The following ABTB2 variants were observed in gnomAD, a reference collection of about 807,000 sequenced individuals.
ABTB2 encodes ankyrin repeat and BTB domain containing 2.
Under a neutral mutation model 104.1 loss-of-function variants are expected in ABTB2, and 56 were observed. That is an observed-to-expected ratio of 0.54 (90% CI 0.43 to 0.67). ABTB2 has a LOEUF of 0.67. ABTB2 is among the 30% of genes least tolerant of loss of function. The pLI is 0.00. For missense variants in ABTB2, 1,279 were observed against 1,407.7 expected, an observed-to-expected ratio of 0.91 and a Z score of 1.46; for synonymous variants, 606 against 608.2, an observed-to-expected ratio of 1.00 and a Z score of 0.05.
chr11:34,265,134 G>GA (rs1854232311), intron 1 of ABTB2, among the ~76,000 whole-genome samples: 1 of 152,198 alleles, frequency 6.6e-6, no homozygotes, highest in Non-Finnish European at 1.5e-5. Flanking sequence ...GGGATACAAG[G>GA]AAAAATAGAA....
chr11:34,338,824 T>C (rs1855227003), intron 1 of ABTB2, among the ~76,000 whole-genome samples: 1 of 152,202 alleles, frequency 6.6e-6, no homozygotes, highest in African/African-American at 2.4e-5. Flanking sequence ...ATTACTTTTA[T>C]ATAGAGACAG....
chr11:34,208,791 C>A (rs1853440075), intron 1 of ABTB2, among the ~76,000 whole-genome samples: 2 of 152,060 alleles, frequency 1.3e-5, no homozygotes, highest in African/African-American at 4.8e-5. Context: ...TTCTCATCCA[C>A]CTCCCATCAA....
chr11:34,253,420 G>A (rs112405083), intron 1 of ABTB2, among the ~76,000 whole-genome samples: 9 of 152,038 alleles, frequency 5.9e-5, no homozygotes, highest in African/African-American at 2.2e-4. Flanking sequence ...GCTCATGCCT[G>A]TAATCCCAGC....
chr11:34,347,977 C>G (rs569575861), intron 1 of ABTB2, among the ~76,000 whole-genome samples: 3 of 152,316 alleles, frequency 2.0e-5, no homozygotes, highest in Admixed American at 2.0e-4. Flanking sequence ...CCAATGGCCT[C>G]GTTTAACACA....
chr11:34,240,392 C>T (rs1263990598), intron 1 of ABTB2, among the ~76,000 whole-genome samples: 1 of 152,250 alleles, frequency 6.6e-6, no homozygotes, highest in Non-Finnish European at 1.5e-5. Context: ...TATGGCTTCA[C>T]TCACTGAGTG....
intron 1 of ABTB2, among the ~76,000 whole-genome samples, chr11:34,350,085 C>T (rs1172984980): frequency 6.6e-6 from 1 of 152,152 alleles, no homozygotes; most frequent in Non-Finnish European, 1.5e-5. Flanking sequence ...TGCTTGAAGG[C>T]CTAGGTCAGT....
In ABTB2 at chr11:34,314,374, T is replaced by C. The variant is rs556187622; in HGVS notation, c.883+42327A>G. On this transcript the variant is annotated intron_variant, in intron 1 of 16. Coordinates refer to ENST00000435224, the MANE Select transcript of ABTB2 (RefSeq NM_145804.3). Reference sequence around the variant, plus strand: ...CGATGAGGGCGGGACCAGGTCTGTTTTTCTTACTAGGGTATCTGTACTCCA... The same window carrying C: ...CGATGAGGGCGGGACCAGGTCTGTTCTTCTTACTAGGGTATCTGTACTCCA... Among the ~76,000 whole-genome samples the C allele has an allele frequency of 1.7e-4, 26 of 152,336 alleles. No individual in the cohort carries two copies. The South Asian group carries it at 5.0e-3, about 29-fold the overall frequency.
At chr11:34,293,363 GT>G in intron 1 of ABTB2, among the ~76,000 whole-genome samples, 1 of 152,246 alleles carries the variant, frequency 6.6e-6, no homozygotes, top group South Asian at 2.1e-4. Context: ...GTCCTGGCTG[GT>G]AGTACTTGCG....
Position 34,154,480 on chromosome 11 carries a change from C to G in ABTB2, c.2767-102G>C. ...CGAGTGCCGTGTGCCCTGCTGCCTC[C>G]ACCCTCAGGCCCCACTACCTTCTGA... On this transcript the variant is annotated intron_variant, in intron 15 of 16. Coordinates refer to ENST00000435224, the MANE Select transcript of ABTB2 (RefSeq NM_145804.3). This position sits in a 1 kb window ranked among gnomAD's most constrained non-coding sequence, Gnocchi z 4.9. 1 of 913,262 alleles carries G rather than the reference C, an allele frequency of 1.1e-6. No individual in the cohort carries two copies. The highest frequency in any genetic ancestry group is 1.7e-6 in the Non-Finnish European group (1 of 583,634). 56.6% of individuals were successfully genotyped at this position (913,262 alleles called of 1,614,324 possible).
At chr11:34,197,782 C>T (rs185267835) in intron 2 of ABTB2, among the ~76,000 whole-genome samples, 16 of 152,302 alleles carry the variant, frequency 1.1e-4, no homozygotes, top group Admixed American at 4.6e-4. Flanking sequence ...CTGTCTCCTC[C>T]AGAACTTAGG....
At chr11:34,191,066 G>C (rs1487692524) in intron 3 of ABTB2, among the ~76,000 whole-genome samples, 4 of 152,192 alleles carry the variant, frequency 2.6e-5, no homozygotes, top group African/African-American at 9.7e-5. Context: ...TAACACCTCT[G>C]GGATGACCCA....
chr11:34,249,401 G>T (rs762931265), intron 1 of ABTB2, among the ~76,000 whole-genome samples: 1 of 152,234 alleles, frequency 6.6e-6, no homozygotes, highest in Non-Finnish European at 1.5e-5. Context: ...GCTGGCTGCA[G>T]GTTCTACAAA....
chr11:34,209,071 C>T (rs184523153), intron 1 of ABTB2, among the ~76,000 whole-genome samples: 238 of 152,288 alleles, frequency 1.6e-3, no homozygotes, highest in African/African-American at 5.2e-3. Context: ...CCTGGCTGGC[C>T]GTGGTGGCTC....
chr11:34,197,529 A>G lies in ABTB2; in HGVS notation c.1040T>C (p.Val347Ala). The G allele has an allele frequency of 6.3e-7, 1 of 1,576,088 alleles. No individual in the cohort carries two copies. Among genetic ancestry groups the G allele is most frequent in the Non-Finnish European group, 8.6e-7 (1 of 1,168,178 alleles). The change falls in exon 3 of 17, where the codon GTC becomes GCC. Residue 347 changes from valine to alanine, a missense_variant. Physicochemically the swap from Val to Ala is moderately conservative, Grantham distance 64. Coordinates refer to ENST00000435224, the MANE Select transcript of ABTB2 (RefSeq NM_145804.3). ...CTGCATGTGGTGCATGGCACGGGAG[A>G]CCAAGTCACCTGGTGGGGGGCGGGG... ...VGSISELSDL[V>A]SRAMHHMQGR...
At position 34,277,480 on chromosome 11, in the gene ABTB2, A is replaced by T. The variant is rs562339292; in HGVS notation, c.884-72790T>A. Among the ~76,000 whole-genome samples the T allele has an allele frequency of 1.3e-4, 18 of 134,688 alleles. No individual in the cohort carries two copies. The South Asian group carries it at 1.7e-3, about 13-fold the overall frequency. 88.4% of individuals were successfully genotyped at this position (134,688 alleles called of 152,430 possible). The stretch of plus-strand genomic sequence containing the variant: ...ATTTCATTTCCTAAATGTCTTATTT[A>T]AAAAAAAAAACAAACAGATTTGGCT... On this transcript the variant is annotated intron_variant, in intron 1 of 16. Transcript: ENST00000435224.
At chr11:34,197,267 G>A (rs1853269785) in intron 3 of ABTB2, 58 bp downstream of exon 3, 2 of 1,567,462 alleles carry the variant, frequency 1.3e-6, no homozygotes, top group South Asian at 1.1e-5. Context: ...CAGTCAGTCG[G>A]TCAATGCACG....
intron 14 of ABTB2, among the ~76,000 whole-genome samples, chr11:34,155,358 G>A (rs1836465149): frequency 6.6e-6 from 1 of 152,126 alleles, no homozygotes; most frequent in South Asian, 2.1e-4. Context: ...CCCAGGCCCG[G>A]AGGCCCGGAG....
intron 1 of ABTB2, among the ~76,000 whole-genome samples, chr11:34,321,911 C>T (rs1855008798): frequency 6.6e-6 from 1 of 152,164 alleles, no homozygotes; most frequent in African/African-American, 2.4e-5. Context: ...ATCGTGACAG[C>T]CTTCAGGACA....
At chr11:34,325,941 A>ACT (rs1487868199) in intron 1 of ABTB2, among the ~76,000 whole-genome samples, 1 of 150,332 alleles carries the variant, frequency 6.7e-6, no homozygotes. Flanking sequence ...ACAGAGTGAG[A>ACT]CAGTCTCAAA....
Sources: gnomAD v4.1 joint callset for allele counts (sites outside exome capture counted in the v4.1 genomes callset) on GRCh38, gnomAD v4.1.1 for gene constraint, Gnocchi (gnomAD v3.1) non-coding constraint, MANE v1.5 for transcripts, NCBI Gene and HGNC (gene_info 2026-07-23, HGNC 2026-07-21) for gene names.